Variants in TAF1 observed in about 807,000 individuals in gnomAD.
TAF1 encodes TATA-box binding protein associated factor 1, also known as transcription initiation factor TFIID subunit 1.
TAF1 carries 2 observed loss-of-function variants against 138.5 expected under a neutral mutation model. The ratio of observed to expected loss-of-function variants is 0.01; its 90% confidence interval spans 0.01 to 0.05. TAF1 has a LOEUF of 0.05. TAF1 is among the 10% of genes least tolerant of loss of function. TAF1 has a pLI of 1.00. For missense variants in TAF1, 709 were observed against 1,478.0 expected, an observed-to-expected ratio of 0.48 and a Z score of 8.53; for synonymous variants, 437 against 503.2, an observed-to-expected ratio of 0.87 and a Z score of 1.76.
At chrX:71,529,866 G>A (rs970190234) in exon 15 of TAF1, 17 of 268,740 alleles carry the variant, frequency 6.3e-5, no homozygotes, top group Non-Finnish European at 9.9e-5. Context: ...GAGGGAAGTG[G>A]ACCTTATTGG....
chrX:71,392,144 T>C (rs759847599), intron 18 of TAF1, among the ~76,000 whole-genome samples: 2 of 111,584 alleles, frequency 1.8e-5, no homozygotes, highest in South Asian at 3.7e-4. Flanking sequence ...TTCGAGAAAA[T>C]AGGTTTCATT....
At chrX:71,410,454 C>CTTTTTTTTTTTTT (rs57027102) in intron 28 of TAF1, among the ~76,000 whole-genome samples, 8 of 70,650 alleles carry the variant, frequency 1.1e-4, no homozygotes, top group Non-Finnish European at 1.6e-4. Context: ...TTTCTTTTTT[C>CTTTTTTTTTTTTT]TTTTTTTTTT....
intron 28 of TAF1, chrX:71,416,471 G>C (rs890030953): frequency 1.0e-5 from 2 of 197,155 alleles, no homozygotes; most frequent in African/African-American, 6.2e-5. Context: ...CCCACACAGA[G>C]CCAATTCTGA....
chrX:71,371,198 A>G (rs1384043625), intron 3 of TAF1, among the ~76,000 whole-genome samples: 1 of 111,858 alleles, frequency 8.9e-6, no homozygotes, highest in African/African-American at 3.2e-5. Flanking sequence ...TACATTTGAC[A>G]GAATCTCAGT....
chrX:71,403,251 TCTC>T (rs2035276945), intron 25 of TAF1, among the ~76,000 whole-genome samples: 1 of 110,942 alleles, frequency 9.0e-6, no homozygotes, highest in African/African-American at 3.3e-5. Flanking sequence ...CTGGTCTCAA[TCTC>T]CTGGGCTCAA....
rs766102381 is a variant in TAF1 at position 71,378,668 on chromosome X, G to C, written c.1153-156G>C. Among the ~76,000 whole-genome samples, 134 of 111,670 alleles carry C rather than the reference G, an allele frequency of 1.2e-3. 1 individual carries two copies. Among genetic ancestry groups the C allele is most frequent in the African/African-American group, 4.3e-3 (133 of 30,763 alleles). On this transcript the variant is annotated intron_variant, in intron 7 of 37. Coordinates refer to ENST00000423759, the MANE Select transcript of TAF1 (RefSeq NM_004606.5). ...TGAAATGAATGCTGTGCCAGACTAG[G>C]AGTGGGAAGAGGCAAATATTCCTCC...
chrX:71,444,579 T>A, intron 32 of TAF1, among the ~76,000 whole-genome samples: 1 of 110,313 alleles, frequency 9.1e-6, no homozygotes, highest in Non-Finnish European at 1.9e-5. Flanking sequence ...AATTTGTGTT[T>A]GGGTGTGCAT....
At chrX:71,385,373 G>A (rs2034149535) in intron 14 of TAF1, among the ~76,000 whole-genome samples, 1 of 111,672 alleles carries the variant, frequency 9.0e-6, no homozygotes, top group South Asian at 3.7e-4. Flanking sequence ...TAATTTTTGT[G>A]TATAAAATTG....
intron 13 of TAF1, among the ~76,000 whole-genome samples, chrX:71,474,070 G>A (rs1422883970): frequency 9.0e-6 from 1 of 110,719 alleles, no homozygotes; most frequent in Non-Finnish European, 1.9e-5. Flanking sequence ...GCTTGAAACC[G>A]GGAAGCAGAG....
At chrX:71,389,408 G>T (rs1253007068) in intron 17 of TAF1, among the ~76,000 whole-genome samples, 177 bp from the exon 18 acceptor site, 1 of 112,037 alleles carries the variant, frequency 8.9e-6, no homozygotes, top group Admixed American at 9.6e-5. Flanking sequence ...TCCTTGGCAT[G>T]TTGTAATGTA....
At chrX:71,452,723 A>AT (rs1482741634) in intron 32 of TAF1, among the ~76,000 whole-genome samples, 9 of 111,273 alleles carry the variant, frequency 8.1e-5, no homozygotes, top group Admixed American at 3.8e-4. Context: ...TGGGAGGTGG[A>AT]GGTTGTAGCG....
rs2148242875 is a variant in TAF1, at chrX:71,378,853, C to T, written c.1182C>T (p.Gly394=). Residue 394 remains glycine (G), a synonymous_variant, in exon 8 of 38, where the codon GGC becomes GGT. Transcript: ENST00000423759. The part of the protein sequence containing the change: ...EEFRKLEENN[G]TDLLADENFL... ...TTAGGAAACTTGAGGAAAACAATGG[C>T]ACTGATCTTCTGGCTGATGAAAACT... 2.5e-6 allele frequency: 3 copies of T among 1,211,327 alleles called. No individual in the cohort carries two copies. The highest frequency in any genetic ancestry group is 3.4e-6 in the Non-Finnish European group (3 of 895,417).
chrX:71,413,089 G>A (rs2035882213), intron 28 of TAF1, among the ~76,000 whole-genome samples: 1 of 111,388 alleles, frequency 9.0e-6, no homozygotes, highest in South Asian at 3.7e-4. Context: ...GATTAGGGAT[G>A]TTCACATATT....
At chrX:71,450,325 C>T (rs2037900527) in intron 32 of TAF1, among the ~76,000 whole-genome samples, 1 of 110,278 alleles carries the variant, frequency 9.1e-6, no homozygotes, top group South Asian at 3.9e-4. Context: ...GCCTCAGCCA[C>T]CCGAGTAGCT....
chrX:71,393,273 T>C (rs1325046685), intron 20 of TAF1, 28 bp from the exon 21 acceptor site: 4 of 1,180,706 alleles, frequency 3.4e-6, no homozygotes, highest in Non-Finnish European at 4.5e-6. Context: ...TGTATATTTA[T>C]ATTTGTGTGT....
intron 9 of TAF1, 64 bp from the exon 10 acceptor site, chrX:71,382,472 C>T: frequency 3.4e-6 from 4 of 1,167,901 alleles, no homozygotes; most frequent in Non-Finnish European, 4.6e-6. Context: ...AAACTGGATA[C>T]TTGTCTGTAG....
At chrX:71,452,460 A>T (rs1415409044) in intron 32 of TAF1, among the ~76,000 whole-genome samples, 4 of 104,557 alleles carry the variant, frequency 3.8e-5, no homozygotes, top group African/African-American at 1.4e-4. Flanking sequence ...ATCTCAGACG[A>T]TGGGCGGCTG....
intron 32 of TAF1, among the ~76,000 whole-genome samples, chrX:71,443,711 GTTTGT>G (rs779741956): frequency 4.5e-5 from 5 of 110,861 alleles, no homozygotes; most frequent in Non-Finnish European, 7.6e-5. Flanking sequence ...GTGTTTTTTT[GTTTGT>G]TTTGTTTTGT....
chrX:71,411,554 A>G (rs1460261273), intron 28 of TAF1, among the ~76,000 whole-genome samples: 1 of 112,353 alleles, frequency 8.9e-6, no homozygotes, highest in Non-Finnish European at 1.9e-5. Context: ...ACTCTTAACC[A>G]CCATGCTCCA....
Sources: allele counts gnomAD v4.1 joint callset (sites outside exome capture counted in the v4.1 genomes callset), GRCh38; gene constraint gnomAD v4.1.1; transcripts MANE v1.5; gene names NCBI Gene and HGNC (gene_info 2026-07-23, HGNC 2026-07-21).